The following RIPK2 variants were observed in gnomAD, a reference collection of about 807,000 sequenced individuals.
RIPK2 encodes receptor-interacting serine/threonine-protein kinase 2.
Under a neutral mutation model 60.9 loss-of-function variants are expected in RIPK2, and 38 were observed. The observed-to-expected ratio is 0.62, with a 90% CI of 0.48 to 0.82. The LOEUF is 0.82. RIPK2 is among the 40% of genes least tolerant of loss of function. The probability of loss-of-function intolerance (pLI) is 0.00; values close to 1 mark genes in which losing one functional copy is unlikely to be tolerated. For missense variants in RIPK2, 518 were observed against 647.0 expected (o/e 0.80, Z 2.16); for synonymous variants, 225 against 223.4 (o/e 1.01, Z -0.06).
At chr8:89,759,494 G>T (rs895753619) in intron 1 of RIPK2, 3 of 429,608 alleles carry the variant, frequency 7.0e-6, no homozygotes, top group Non-Finnish European at 1.4e-5. Context: ...CCCTGCCAAA[G>T]TTACTGGATT....
chr8:89,758,488 C>T (rs1809089446), intron 1 of RIPK2, among the ~76,000 whole-genome samples: 1 of 152,204 alleles, frequency 6.6e-6, no homozygotes, highest in African/African-American at 2.4e-5. Flanking sequence ...CCCTTTCTCT[C>T]CTTCCCTCTT....
intron 7 of RIPK2, among the ~76,000 whole-genome samples, chr8:89,783,424 T>G (rs924435572): frequency 2.0e-5 from 3 of 152,190 alleles, no homozygotes; most frequent in South Asian, 2.1e-4. Context: ...TTCCTCACAG[T>G]AATCCTTCAA....
At position 89,790,189 on chromosome 8, in the gene RIPK2, A is replaced by AG. The variant is rs1809653942; in HGVS notation, c.1399dup (p.Asp467GlyfsTer9). On this transcript the variant is annotated frameshift_variant, in exon 11 of 11. Coordinates refer to ENST00000220751, the MANE Select transcript of RIPK2 (RefSeq NM_003821.6). LOFTEE classifies it high-confidence loss of function. ...CCAGTCGCTAGATGCCCTTCTGTCC[A>AG]GGGACTTGATCATGAAAGAGGACTA... 6.2e-7 allele frequency: 1 copy of AG among 1,614,036 alleles called. No homozygotes were observed. The highest frequency in any genetic ancestry group is 1.3e-5 in the African/African-American group (1 of 74,944).
At chr8:89,771,177 G>A (rs1193557856) in intron 4 of RIPK2, among the ~76,000 whole-genome samples, 1 of 151,838 alleles carries the variant, frequency 6.6e-6, no homozygotes, top group Non-Finnish European at 1.5e-5. Context: ...TGTAACACAA[G>A]GTGTTAGTAG....
At chr8:89,759,433 AT>A (rs1809108987) in intron 1 of RIPK2, 1 of 455,710 alleles carries the variant, frequency 2.2e-6, no homozygotes, top group Admixed American at 2.3e-5. Context: ...CCGATGCCTG[AT>A]TGGCCAGAAG....
chr8:89,765,420 A>G lies in RIPK2; in HGVS notation c.407A>G (p.His136Arg). 1 of 1,602,356 alleles carries G rather than the reference A, an allele frequency of 6.2e-7. No homozygotes were observed. Among genetic ancestry groups the G allele is most frequent in the Non-Finnish European group, 8.5e-7 (1 of 1,169,936 alleles). The change falls in exon 3 of 11, where the codon CAC becomes CGC. Residue 136 changes from histidine (H) to arginine (R), a missense_variant. This residue lies in a region of RIPK2 where 448 missense variants were observed against 534.7 expected (regional missense o/e 0.84). Coordinates refer to ENST00000220751, the MANE Select transcript of RIPK2 (RefSeq NM_003821.6). Reference protein sequence around the residue: ...HEIALGVNYLHNMTPPLLHHD... With the variant: ...HEIALGVNYLRNMTPPLLHHD... ...ATTGCCCTTGGTGTAAATTACCTGC[A>G]CAATATGACTCCTCCTTTACTTCAT...
intron 3 of RIPK2, among the ~76,000 whole-genome samples, chr8:89,768,548 G>A (rs940317534): frequency 4.0e-5 from 6 of 151,644 alleles, no homozygotes; most frequent in African/African-American, 9.7e-5. Context: ...ACTCCTAAAA[G>A]TGCTATTATA....
intron 3 of RIPK2, among the ~76,000 whole-genome samples, chr8:89,769,537 T>C (rs1234880919): frequency 1.3e-5 from 2 of 151,898 alleles, no homozygotes; most frequent in African/African-American, 4.8e-5. Context: ...TCTTTTGAAA[T>C]TTGTAATGTT....
Position 89,761,652 on chromosome 8 carries a change from G to T in RIPK2, c.174-1177G>T, listed in dbSNP as rs1006719388. Among the ~76,000 whole-genome samples the T allele has an allele frequency of 3.3e-5, 5 of 151,416 alleles. No homozygotes were observed. In the East Asian group the frequency reaches 7.7e-4, roughly 23 times the overall value. On this transcript the variant is annotated intron_variant, in intron 1 of 10. Coordinates refer to ENST00000220751, the MANE Select transcript of RIPK2 (RefSeq NM_003821.6). Reference sequence around the variant, plus strand: ...ACATTGGCACACCCCTGTAGTCCCAGCTACTCAAGAGGCAGAGTAGGGAGG... The same window carrying T: ...ACATTGGCACACCCCTGTAGTCCCATCTACTCAAGAGGCAGAGTAGGGAGG...
At position 89,780,120 on chromosome 8, in the gene RIPK2, T is replaced by C; in HGVS notation, c.899T>C (p.Ile300Thr). ...LEPVLRTFEE[I>T]TFLEAVIQLK... Reference sequence around the variant, plus strand: ...CCAGTTTTGAGAACATTTGAAGAGATAACTTTTCTTGAAGCTGTTATTCAG... The same window carrying C: ...CCAGTTTTGAGAACATTTGAAGAGACAACTTTTCTTGAAGCTGTTATTCAG... The change falls in exon 7 of 11, where the codon ATA becomes ACA. Residue 300 changes from isoleucine to threonine, a missense_variant. Physicochemically the swap from Ile to Thr is moderately conservative, Grantham distance 89. Coordinates refer to ENST00000220751, the MANE Select transcript of RIPK2 (RefSeq NM_003821.6). The C allele has an allele frequency of 6.3e-7, 1 of 1,575,568 alleles. No homozygotes were observed. The highest frequency in any genetic ancestry group is 1.8e-5 in the Admixed American group (1 of 56,898).
intron 6 of RIPK2, among the ~76,000 whole-genome samples, 199 bp from the exon 7 acceptor site, chr8:89,779,876 A>G (rs571181789): frequency 6.6e-6 from 1 of 152,304 alleles, no homozygotes; most frequent in South Asian, 2.1e-4. Context: ...TTGTCCAAAA[A>G]CAGGTGTTTT....
rs1311327293 is a variant in RIPK2, at chr8:89,790,479, CT to C, written c.*70del. Reference sequence around the variant, plus strand: ...GATATTTATATCTCTGTTGCTTTGACTTTTTTTATATAAAATCCGTGAGTAT... The same window carrying C: ...GATATTTATATCTCTGTTGCTTTGACTTTTTTATATAAAATCCGTGAGTAT... On this transcript the variant is annotated 3_prime_UTR_variant, in exon 11 of 11. Coordinates refer to ENST00000220751, the MANE Select transcript of RIPK2 (RefSeq NM_003821.6). 6 of 1,214,236 alleles carry C rather than the reference CT, an allele frequency of 4.9e-6. No homozygotes were observed. Among genetic ancestry groups the C allele is most frequent in the Admixed American group, 2.6e-5 (1 of 38,410 alleles). The allele number at this position is 1,214,236 out of a possible 1,614,324, so 75.2% of individuals were successfully genotyped here. A position where few individuals can be genotyped will look rare whatever the true frequency, so the allele number is the denominator to read the frequency against.
In RIPK2 at chr8:89,769,892, C is replaced by G; in HGVS notation, c.604C>G (p.Gln202Glu). Residue 202 changes from glutamine to glutamate, a missense_variant, in exon 4 of 11, where the codon CAA becomes GAA. Gln to Glu is a conservative substitution (Grantham distance 29). Coordinates refer to ENST00000220751, the MANE Select transcript of RIPK2 (RefSeq NM_003821.6). Reference sequence around the variant, plus strand: ...GCCACCTGAAAACTATGAACCTGGACAAAAATCAAGGGCCAGTATCAAGCA... The same window carrying G: ...GCCACCTGAAAACTATGAACCTGGAGAAAAATCAAGGGCCAGTATCAAGCA... ...YMPPENYEPG[Q>E]KSRASIKHDI... 5 of 1,607,080 alleles carry G rather than the reference C, an allele frequency of 3.1e-6. No homozygotes were observed. Among genetic ancestry groups the G allele is most frequent in the Non-Finnish European group, 4.2e-6 (5 of 1,176,474 alleles).
chr8:89,760,274 G>A (rs1809122484), intron 1 of RIPK2, among the ~76,000 whole-genome samples: 1 of 152,046 alleles, frequency 6.6e-6, no homozygotes, highest in African/African-American at 2.4e-5. Context: ...TTTAATGACT[G>A]GTGAATCAGT....
In RIPK2 at chr8:89,772,810, G is replaced by A. The variant is rs1282902663; in HGVS notation, c.835G>A (p.Glu279Lys). Residue 279 changes from glutamate to lysine, a missense_variant, in exon 6 of 11, where the codon GAA (glutamate) becomes AAA (lysine). Glu to Lys is a moderately conservative substitution (Grantham distance 56). Transcript: ENST00000220751. ...IESGWAQNPD[E>K]RPSFLKCLIE... ...AAGTGGATGGGCACAAAATCCAGAT[G>A]AAAGACCATCTTTCTTAAGTGAGTA... 2 of 1,606,222 alleles carry A rather than the reference G, an allele frequency of 1.2e-6. No homozygotes were observed. The highest frequency in any genetic ancestry group is 1.7e-6 in the Non-Finnish European group (2 of 1,176,250).
At position 89,769,843 on chromosome 8, in the gene RIPK2, A is replaced by T; in HGVS notation, c.555A>T (p.Pro185=). ...LSQSRSSKSA[P]EGGTIIYMPP... ...AGTCACGAAGTAGCAAATCTGCACC[A>T]GAAGGAGGGACAATTATCTATATGC... The change falls in exon 4 of 11, where the codon CCA becomes CCT. Residue 185 remains proline, a synonymous_variant. Transcript: ENST00000220751. The T allele has an allele frequency of 1.2e-6, 2 of 1,609,428 alleles. No homozygotes were observed. Among genetic ancestry groups the T allele is most frequent in the South Asian group, 1.1e-5 (1 of 90,618 alleles).
chr8:89,758,219 T>G lies in RIPK2; in HGVS notation c.159T>G (p.Thr53=), dbSNP rs1809083105. Residue 53 remains threonine, a synonymous_variant, in exon 1 of 11, where the codon ACT becomes ACG. Coordinates refer to ENST00000220751, the MANE Select transcript of RIPK2 (RefSeq NM_003821.6). Reference sequence around the variant, plus strand: ...CCGTGAAGCACCTGCACATCCACACTCCGCTGCTCGACAGGTAGGCAGTCA... The same window carrying G: ...CCGTGAAGCACCTGCACATCCACACGCCGCTGCTCGACAGGTAGGCAGTCA... ...QVAVKHLHIH[T]PLLDSERKDV... is the part of the protein sequence containing the mutation. The G allele has an allele frequency of 2.5e-6, 4 of 1,606,892 alleles. No individual in the cohort carries two copies. The highest frequency in any genetic ancestry group is 3.4e-6 in the Non-Finnish European group (4 of 1,177,684).
intron 7 of RIPK2, chr8:89,780,797 G>GT (rs1223765264): frequency 6.6e-6 from 1 of 151,850 alleles, no homozygotes; most frequent in Non-Finnish European, 1.5e-5. Flanking sequence ...TTTGTGGTTT[G>GT]TTTTTTCATT....
intron 6 of RIPK2, among the ~76,000 whole-genome samples, chr8:89,775,516 T>C (rs1809382737): frequency 6.6e-6 from 1 of 152,032 alleles, no homozygotes; most frequent in African/African-American, 2.4e-5. Context: ...AAAAATACTC[T>C]ACTGGAAAAA....
Sources: allele counts gnomAD v4.1 joint callset (sites outside exome capture counted in the v4.1 genomes callset), GRCh38; gene constraint gnomAD v4.1.1; regional missense constraint gnomAD v4.1.1; transcripts MANE v1.5; gene names NCBI Gene and HGNC (gene_info 2026-07-23, HGNC 2026-07-21).